Variants in NOX1 observed in about 807,000 individuals in gnomAD.
The protein encoded by NOX1 is NADH/NADPH mitogenic oxidase subunit P65-MOX.
NOX1 carries 34 observed loss-of-function variants against 42.5 expected under a neutral mutation model. The ratio of observed to expected loss-of-function variants is 0.80; its 90% CI spans 0.61 to 1.07. The LOEUF (loss-of-function observed/expected upper bound fraction) is 1.07, where lower values mean the gene tolerates loss of function less well. NOX1 is among the 50% of genes least tolerant of loss of function. The pLI is 0.00. For synonymous variants in NOX1, 143 were observed against 152.5 expected (o/e 0.94, Z 0.46); for missense variants, 408 against 427.0 (o/e 0.96, Z 0.39).
intron 10 of NOX1, 31 bp from the exon 11 acceptor site, chrX:100,849,457 T>C: frequency 8.4e-7 from 1 of 1,186,528 alleles, no homozygotes; most frequent in Non-Finnish European, 1.1e-6. Flanking sequence ...CATAGCCTTA[T>C]TAGGTGACCT....
intron 1 of NOX1, 62 bp from the exon 2 acceptor site, chrX:100,870,876 A>C: frequency 1.4e-6 from 1 of 727,913 alleles, no homozygotes; most frequent in Non-Finnish European, 2.1e-6. Flanking sequence ...GAAGGAGTAA[A>C]TAAGGGATAG....
At chrX:100,849,518 A>T in intron 10 of NOX1, 92 bp from the exon 11 acceptor site, 1 of 957,260 alleles carries the variant, frequency 1.0e-6, no homozygotes, top group Non-Finnish European at 1.4e-6. Flanking sequence ...GAATGTTCAG[A>T]GTTCTGACAA....
intron 7 of NOX1, among the ~76,000 whole-genome samples, chrX:100,853,316 TTCTTTC>T (rs2085137765): frequency 4.8e-5 from 4 of 83,851 alleles, no homozygotes; most frequent in Admixed American, 4.0e-4. Flanking sequence ...CTTTCTTTCT[TTCTTTC>T]TCTCTCTTTC....
intron 2 of NOX1, among the ~76,000 whole-genome samples, chrX:100,867,705 C>T (rs1042439259): frequency 9.2e-6 from 1 of 108,224 alleles, no homozygotes; most frequent in African/African-American, 3.4e-5. Flanking sequence ...GCATGCCAGC[C>T]TGGGTAACAG....
At chrX:100,855,654 C>G in intron 7 of NOX1, 1 of 1,013,275 alleles carries the variant, frequency 9.9e-7, no homozygotes, top group Non-Finnish European at 1.4e-6. Flanking sequence ...TGGATAACCA[C>G]CATCATTACC....
intron 7 of NOX1, among the ~76,000 whole-genome samples, chrX:100,858,840 A>G (rs1404154532): frequency 1.8e-5 from 2 of 111,145 alleles, no homozygotes; most frequent in Non-Finnish European, 1.9e-5. Context: ...GACATAGACT[A>G]TGGGGTTTTC....
In NOX1 at chrX:100,874,242, C is replaced by T. The variant is rs1173582860; in HGVS notation, c.-103G>A. On this transcript the variant is annotated 5_prime_UTR_variant, in exon 1 of 13. Transcript: ENST00000372966. ...ATGGAACATTTGTCCAGCGCAGGGT[C>T]TGTGAGCCTTTAAGATGTGAAAAAC... The T allele has an allele frequency of 5.4e-6, 3 of 553,269 alleles. No homozygotes were observed. The allele number at this position is 553,269 out of a possible 1,213,427, so 45.6% of individuals were successfully genotyped here.
chrX:100,862,025 A>G, intron 7 of NOX1, 146 bp downstream of exon 7: 1 of 628,312 alleles, frequency 1.6e-6, no homozygotes, highest in Non-Finnish European at 2.3e-6. Context: ...AGTTTCTTAA[A>G]GGTAGGAACC....
chrX:100,850,150 C>T lies in NOX1; in HGVS notation c.1133+1G>A, dbSNP rs774598153. On this transcript the variant is annotated splice_donor_variant, in intron 9 of 12. Coordinates refer to ENST00000372966, the MANE Select transcript of NOX1 (RefSeq NM_007052.5). LOFTEE classifies it high-confidence loss of function. ...GGACTCTCCTGGTCTCAAGGACCTA[C>T]CTGGGAATTGGTGAATATTGTTGTT... is the stretch of plus-strand genomic sequence containing the variant. 20 of 1,199,854 alleles carry T rather than the reference C, an allele frequency of 1.7e-5. No individual in the cohort carries two copies. The East Asian group carries it at 3.0e-4, about 18-fold the overall frequency.
rs763720539 is a variant in NOX1 at position 100,843,935 on chromosome X, G to A, written c.*17C>T. 2.4e-5 allele frequency: 28 copies of A among 1,189,019 alleles called. No individual in the cohort carries two copies. The highest frequency in any genetic ancestry group is 7.0e-5 in the African/African-American group (4 of 56,826). ...ACAAAGAGACAAAATGCAGATTACC[G>A]TCCTTATTCCTATAACTCAAAAATT... On this transcript the variant is annotated 3_prime_UTR_variant, in exon 13 of 13. Transcript: ENST00000372966.
intron 12 of NOX1, among the ~76,000 whole-genome samples, 187 bp from the exon 13 acceptor site, chrX:100,844,265 ACT>A (rs1481601956): frequency 1.8e-5 from 2 of 110,657 alleles, no homozygotes; most frequent in African/African-American, 3.3e-5. Flanking sequence ...AGCCCTTAAC[ACT>A]CTCAGCACTC....
At chrX:100,850,497 C>T (rs72552310) in intron 8 of NOX1, 111 bp from the exon 9 acceptor site, 243 of 486,194 alleles carry the variant, frequency 5.0e-4, no homozygotes, top group African/African-American at 4.0e-3. Flanking sequence ...GAACTACAAA[C>T]ACAAGTCCTC....
intron 12 of NOX1, among the ~76,000 whole-genome samples, chrX:100,846,985 C>T (rs886857489): frequency 2.7e-5 from 3 of 111,373 alleles, no homozygotes; most frequent in East Asian, 2.8e-4. Flanking sequence ...GTCAGGAGTT[C>T]GAGACCAGCC....
intron 7 of NOX1, among the ~76,000 whole-genome samples, chrX:100,854,743 GGTAGTCCC>G (rs1194309189): frequency 2.7e-5 from 3 of 111,136 alleles, no homozygotes; most frequent in Non-Finnish European, 5.7e-5. Flanking sequence ...ATTTTGCTTG[GGTAGTCCC>G]TTTTAATGGT....
intron 7 of NOX1, among the ~76,000 whole-genome samples, chrX:100,859,898 T>C (rs1298267879): frequency 1.8e-5 from 2 of 109,584 alleles, no homozygotes; most frequent in East Asian, 2.8e-4. Context: ...TAGCATTCTA[T>C]CTATCTTATT....
intron 7 of NOX1, among the ~76,000 whole-genome samples, chrX:100,855,000 A>T (rs1441503844): frequency 3.6e-5 from 4 of 111,384 alleles, no homozygotes; most frequent in African/African-American, 6.6e-5. Flanking sequence ...ACTATCACAT[A>T]TAGCAATTTT....
At chrX:100,871,735 G>A (rs1389932150) in intron 1 of NOX1, among the ~76,000 whole-genome samples, 1 of 111,178 alleles carries the variant, frequency 9.0e-6, no homozygotes, top group Non-Finnish European at 1.9e-5. Flanking sequence ...TCTCCAGGGC[G>A]CTAGTATATA....
At chrX:100,873,373 A>G (rs142072585) in intron 1 of NOX1, among the ~76,000 whole-genome samples, 1,437 of 111,838 alleles carry the variant, frequency 0.013, 25 homozygotes, top group African/African-American at 0.044. Flanking sequence ...TTTCCTTTGT[A>G]CAATCAATAA....
rs773307021 is a variant in NOX1 at position 100,848,625 on chromosome X, C to T, written c.1568+5G>A. On this transcript the variant is annotated splice_donor_5th_base_variant and intron_variant, in intron 12 of 12. Transcript: ENST00000372966. ...ACTCATCTTACTAGAGGAAAATATA[C>T]TTACTTGGGGTGGGAGGTAGCTATT... The T allele has an allele frequency of 1.2e-5, 15 of 1,205,697 alleles. No homozygotes were observed. Among genetic ancestry groups the T allele is most frequent in the Non-Finnish European group, 1.7e-5 (15 of 891,569 alleles).
Sources: gnomAD v4.1 joint callset for allele counts (sites outside exome capture counted in the v4.1 genomes callset) on GRCh38, gnomAD v4.1.1 for gene constraint, MANE v1.5 for transcripts, NCBI Gene and HGNC (gene_info 2026-07-23, HGNC 2026-07-21) for gene names.